Variants in CYP27B1 observed in about 807,000 individuals in gnomAD.
CYP27B1 encodes 25-hydroxyvitamin D-1 alpha hydroxylase, mitochondrial.
In CYP27B1, 46 loss-of-function variants were observed where a neutral mutation model predicts 54.8. The ratio of observed to expected loss-of-function variants is 0.84; its 90% CI spans 0.66 to 1.07. The LOEUF (loss-of-function observed/expected upper bound fraction) is 1.07, where lower values mean the gene tolerates loss of function less well. CYP27B1 is among the 50% of genes least tolerant of loss of function. CYP27B1 has a pLI of 0.00. For missense variants in CYP27B1, 674 were observed against 692.2 expected, an observed-to-expected ratio of 0.97 and a Z score of 0.30; for synonymous variants, 292 against 297.3, an observed-to-expected ratio of 0.98 and a Z score of 0.18.
chr12:57,762,830 G>A lies in CYP27B1; in HGVS notation c.*312C>T, dbSNP rs1955329064. On this transcript the variant is annotated 3_prime_UTR_variant, in exon 9 of 9. Coordinates refer to ENST00000228606, the MANE Select transcript of CYP27B1 (RefSeq NM_000785.4). Reference sequence around the variant, plus strand: ...TGAACACTATGAAAGCCCAAAAAGAGAGGCAGTTGAATCTTTCCTCAGGCC... The same window carrying A: ...TGAACACTATGAAAGCCCAAAAAGAAAGGCAGTTGAATCTTTCCTCAGGCC... 2.6e-6 allele frequency: 1 copy of A among 380,484 alleles called. No homozygotes were observed. Among genetic ancestry groups the A allele is most frequent in the African/African-American group, 2.1e-5 (1 of 47,960 alleles). The allele number at this position is 380,484 out of a possible 1,614,324, so 23.6% of individuals were successfully genotyped here.
chr12:57,762,767 A>G lies in CYP27B1; in HGVS notation c.*375T>C. On this transcript the variant is annotated 3_prime_UTR_variant, in exon 9 of 9. Transcript: ENST00000228606. ...GTACAGACCAGATGCACAGTTACTG[A>G]GCTTATGCTTTGATAAATGCTTAGC... The G allele has an allele frequency of 2.9e-6, 1 of 339,600 alleles. No homozygotes were observed. Among genetic ancestry groups the G allele is most frequent in the Non-Finnish European group, 5.8e-6 (1 of 172,280 alleles). The allele number at this position is 339,600 out of a possible 1,614,324, so 21.0% of individuals were successfully genotyped here.
At chr12:57,766,572 G>A (rs8176343) in intron 1 of CYP27B1, 1 of 582,236 alleles carries the variant, frequency 1.7e-6, no homozygotes, top group South Asian at 2.1e-5. Context: ...TGCCCACTCC[G>A]GCCTCCCCCT....
Position 57,764,749 on chromosome 12 carries a change from C to T in CYP27B1, c.963+5G>A, listed in dbSNP as rs548612564. On this transcript the variant is annotated splice_donor_5th_base_variant and intron_variant, in intron 5 of 8. Coordinates refer to ENST00000228606, the MANE Select transcript of CYP27B1 (RefSeq NM_000785.4). ...CCGGCTCACAGCACGGAGGGAGAAC[C>T]TCACCGTGTCCACTCCCGCCAATAG... 3.7e-6 allele frequency: 6 copies of T among 1,614,086 alleles called. No homozygotes were observed. In the South Asian group the frequency reaches 5.5e-5, roughly 15 times the overall value.
In CYP27B1 at chr12:57,766,016, A is replaced by G; in HGVS notation, c.377T>C (p.Leu126Pro). 6.4e-7 allele frequency: 1 copy of G among 1,570,736 alleles called. No individual in the cohort carries two copies. The highest frequency in any genetic ancestry group is 1.2e-5 in the South Asian group (1 of 86,238). Residue 126 changes from leucine to proline, a missense_variant, in exon 2 of 9, where the codon CTG becomes CCG. Coordinates refer to ENST00000228606, the MANE Select transcript of CYP27B1 (RefSeq NM_000785.4). ...GGCAGAGAAGACTCACGCAGTGAGC[A>G]GTCCGCAAGCCCGCTGGCGGCAGCG... ...HRRCRQRACGLLTAEGEEWQR... is the reference protein window; with the variant it reads ...HRRCRQRACGPLTAEGEEWQR...
rs1955367803 is a variant in CYP27B1, at chr12:57,766,972, A to T, written c.70T>A (p.Ser24Thr). 3 of 1,614,112 alleles carry T rather than the reference A, an allele frequency of 1.9e-6. No individual in the cohort carries two copies. Among genetic ancestry groups the T allele is most frequent in the Non-Finnish European group, 2.5e-6 (3 of 1,180,006 alleles). ...RVRWAPELGA[S>T]LGYREYHSAR... Reference sequence around the variant, plus strand: ...GAGTGGTACTCTCGGTAGCCTAGGGAGGCGCCCAACTCGGGCGCCCAGCGG... The same window carrying T: ...GAGTGGTACTCTCGGTAGCCTAGGGTGGCGCCCAACTCGGGCGCCCAGCGG... Residue 24 changes from serine to threonine, a missense_variant, in exon 1 of 9, where the codon TCC becomes ACC. Coordinates refer to ENST00000228606, the MANE Select transcript of CYP27B1 (RefSeq NM_000785.4).
chr12:57,765,820 G>T lies in CYP27B1; in HGVS notation c.386+187C>A. Reference sequence around the variant, plus strand: ...CGGGCCTCAAAGGATAAGGAGGTAGGCGGGGAGTGAGGTTGGGGCTCAACC... The same window carrying T: ...CGGGCCTCAAAGGATAAGGAGGTAGTCGGGGAGTGAGGTTGGGGCTCAACC... On this transcript the variant is annotated intron_variant, in intron 2 of 8. Transcript: ENST00000228606. The surrounding 1 kb of genome is among the most constrained non-coding windows in gnomAD (Gnocchi z 5.8). 8.5e-7 allele frequency: 1 copy of T among 1,179,130 alleles called. No homozygotes were observed. The highest frequency in any genetic ancestry group is 1.2e-6 in the Non-Finnish European group (1 of 864,442). The allele number at this position is 1,179,130 out of a possible 1,614,324, so 73.0% of individuals were successfully genotyped here.
Position 57,766,870 on chromosome 12 carries a change from G to GC in CYP27B1, c.171dup (p.Leu58AlafsTer275), listed in dbSNP as rs763437121. On this transcript the variant is annotated frameshift_variant, in exon 1 of 9. Coordinates refer to ENST00000228606, the MANE Select transcript of CYP27B1 (RefSeq NM_000785.4). LOFTEE classifies it high-confidence loss of function. Reference sequence around the variant, plus strand: ...ACCTGCAGCTCGTGTAGCCTCGACAGCCCCCCCTTGCAGAAAAGTTCGGCC... The same window carrying GC: ...ACCTGCAGCTCGTGTAGCCTCGACAGCCCCCCCCTTGCAGAAAAGTTCGGCC... 8 of 1,614,150 alleles carry GC rather than the reference G, an allele frequency of 5.0e-6. No homozygotes were observed. Among genetic ancestry groups the GC allele is most frequent in the South Asian group, 2.2e-5 (2 of 91,076 alleles).
In CYP27B1 at chr12:57,765,560, G is replaced by T; in HGVS notation, c.387-61C>A. ...TGGGGACGGCTCGACGGGACTGGCT[G>T]CAGTGAAGGAGCGCGTTCGGCTGCG... On this transcript the variant is annotated intron_variant, in intron 2 of 8. Transcript: ENST00000228606. This position sits in a 1 kb window ranked among gnomAD's most constrained non-coding sequence, Gnocchi z 5.8. 6.5e-7 allele frequency: 1 copy of T among 1,526,822 alleles called. No homozygotes were observed. The highest frequency in any genetic ancestry group is 8.9e-7 in the Non-Finnish European group (1 of 1,118,932). The allele number at this position is 1,526,822 out of a possible 1,614,324, so 94.6% of individuals were successfully genotyped here.
chr12:57,766,307 C>T, intron 1 of CYP27B1, 110 bp from the exon 2 acceptor site: 3 of 1,373,524 alleles, frequency 2.2e-6, no homozygotes, highest in Non-Finnish European at 1.9e-6. Context: ...AGCTTCTGCT[C>T]TTTCTCGGGT....
intron 1 of CYP27B1, 178 bp from the exon 2 acceptor site, chr12:57,766,375 T>A: frequency 1.1e-6 from 1 of 905,684 alleles, no homozygotes; most frequent in Non-Finnish European, 1.6e-6. Flanking sequence ...TTCCCATCCC[T>A]AGAAAGTTTG....
rs1381911221 is a variant in CYP27B1, at chr12:57,765,601, A to G, written c.387-102T>C. 4 of 1,239,676 alleles carry G rather than the reference A, an allele frequency of 3.2e-6. No homozygotes were observed. The South Asian group carries it at 3.9e-5, about 12-fold the overall frequency. The allele number at this position is 1,239,676 out of a possible 1,614,324, so 76.8% of individuals were successfully genotyped here. ...TTCGGCTGCGGTGGCCAGGAGAGGG[A>G]TTGCGTCTGCCCCCTTGGGGTACGG... On this transcript the variant is annotated intron_variant, in intron 2 of 8. Transcript: ENST00000228606. This position sits in a 1 kb window ranked among gnomAD's most constrained non-coding sequence, Gnocchi z 5.8.
chr12:57,763,429 G>T (rs982871831), intron 8 of CYP27B1, among the ~76,000 whole-genome samples, 174 bp from the exon 9 acceptor site: 1 of 152,094 alleles, frequency 6.6e-6, no homozygotes, highest in Non-Finnish European at 1.5e-5. Flanking sequence ...ATTATGGTAG[G>T]GAAAAAATAG....
chr12:57,763,972 A>G, intron 7 of CYP27B1, 126 bp downstream of exon 7: 2 of 1,079,294 alleles, frequency 1.9e-6, no homozygotes, highest in Admixed American at 3.9e-5. Context: ...CATCCTAGAA[A>G]GGCATATCCT....
rs564733199 is a variant in CYP27B1, at chr12:57,765,879, C to T, written c.386+128G>A. 2.6e-3 allele frequency: 3,756 copies of T among 1,428,328 alleles called. 8 individuals are homozygous for T. The highest frequency in any genetic ancestry group is 3.1e-3 in the Non-Finnish European group (3,427 of 1,092,026). 88.5% of individuals were successfully genotyped at this position (1,428,328 alleles called of 1,614,324 possible). On this transcript the variant is annotated intron_variant, in intron 2 of 8. Transcript: ENST00000228606. This position sits in a 1 kb window ranked among gnomAD's most constrained non-coding sequence, Gnocchi z 5.8. Reference sequence around the variant, plus strand: ...GGTGAAGCAGACTGGGATGGGAACCCCAAGATGCCCAATGGTAGAGTGGGA... The same window carrying T: ...GGTGAAGCAGACTGGGATGGGAACCTCAAGATGCCCAATGGTAGAGTGGGA...
At chr12:57,766,435 T>A in intron 1 of CYP27B1, 1 of 570,118 alleles carries the variant, frequency 1.8e-6, no homozygotes, top group Non-Finnish European at 3.0e-6. Context: ...ATTCAGGACC[T>A]CTCTGATCAT....
At chr12:57,764,294 G>C in intron 6 of CYP27B1, 84 bp downstream of exon 6, 1 of 1,584,400 alleles carries the variant, frequency 6.3e-7, no homozygotes, top group Non-Finnish European at 8.7e-7. Context: ...ATTTTTCTCT[G>C]CTATCTCCCT....
In CYP27B1 at chr12:57,765,202, G is replaced by C. The variant is rs1350832541; in HGVS notation, c.599C>G (p.Ala200Gly). Reference sequence around the variant, plus strand: ...GCCCAAGCGCGAGCCGAGCAGAACCGCGGCGATGCCTTGTCGGGAGGGGGC... The same window carrying C: ...GCCCAAGCGCGAGCCGAGCAGAACCCCGGCGATGCCTTGTCGGGAGGGGGC... ...FYKFGLEGIA[A>G]VLLGSRLGCL... The change falls in exon 4 of 9, where the codon GCG becomes GGG. Residue 200 changes from alanine to glycine, a missense_variant. Coordinates refer to ENST00000228606, the MANE Select transcript of CYP27B1 (RefSeq NM_000785.4). This position sits in a 1 kb window ranked among gnomAD's most constrained non-coding sequence, Gnocchi z 5.8. 1 of 1,612,706 alleles carries C rather than the reference G, an allele frequency of 6.2e-7. No homozygotes were observed. The highest frequency in any genetic ancestry group is 8.5e-7 in the Non-Finnish European group (1 of 1,179,516).
intron 5 of CYP27B1, 72 bp from the exon 6 acceptor site, chr12:57,764,622 T>A: frequency 6.3e-7 from 1 of 1,596,790 alleles, no homozygotes; most frequent in Non-Finnish European, 8.6e-7. Context: ...TATGGAAGAG[T>A]CTGGGGCTAC....
In CYP27B1 at chr12:57,766,063, G is replaced by A. The variant is rs546648396; in HGVS notation, c.330C>T (p.Phe110=). 3.2e-4 allele frequency: 504 copies of A among 1,560,120 alleles called. 3 individuals are homozygous for A. In the South Asian group the frequency reaches 5.6e-3, roughly 17 times the overall value. ...QEGPRPERCS[F]SPWTEHRRCR... ...AGCGGCGGTGCTCCGTCCAGGGCGA[G>A]AAGCTGCAGCGCTCGGGCCGGGGTC... The change falls in exon 2 of 9, where the codon TTC becomes TTT. Residue 110 remains phenylalanine (F), a synonymous_variant. Transcript: ENST00000228606.
Sources: gnomAD v4.1 joint callset for allele counts (sites outside exome capture counted in the v4.1 genomes callset) on GRCh38, gnomAD v4.1.1 for gene constraint, Gnocchi (gnomAD v3.1) non-coding constraint, MANE v1.5 for transcripts, NCBI Gene and HGNC (gene_info 2026-07-23, HGNC 2026-07-21) for gene names.